The following PLXNA4 variants were observed in gnomAD, a reference collection of about 807,000 sequenced individuals.
PLXNA4 encodes the protein plexin A4.
Under a neutral mutation model 191.8 loss-of-function variants are expected in PLXNA4, and 44 were observed. The ratio of observed to expected loss-of-function variants is 0.23; its 90% confidence interval spans 0.18 to 0.29. The LOEUF (loss-of-function observed/expected upper bound fraction) is 0.29. Among genes scored for constraint, PLXNA4 ranks in the 10% least tolerant of loss-of-function variants. The pLI is 1.00. For synonymous variants in PLXNA4, 1,082 were observed against 1,009.5 expected (o/e 1.07, Z -1.36); for missense variants, 1,800 against 2,488.8 (o/e 0.72, Z 5.89).
At chr7:132,340,500 T>A (rs1802985794) in intron 3 of PLXNA4, among the ~76,000 whole-genome samples, 1 of 152,232 alleles carries the variant, frequency 6.6e-6, no homozygotes, top group African/African-American at 2.4e-5. Context: ...TTCCTGTCCC[T>A]GTCCCCACTG....
At chr7:132,544,303 C>A (rs769662817) in intron 1 of PLXNA4, among the ~76,000 whole-genome samples, 1 of 152,236 alleles carries the variant, frequency 6.6e-6, no homozygotes, top group African/African-American at 2.4e-5. Context: ...AATAGAGAAC[C>A]TACCCATGGT....
At chr7:132,572,601 C>T (rs1802030141) in intron 1 of PLXNA4, among the ~76,000 whole-genome samples, 1 of 152,218 alleles carries the variant, frequency 6.6e-6, no homozygotes, top group African/African-American at 2.4e-5. Context: ...GGAATCAGGA[C>T]CCCTGCCTGC....
intron 1 of PLXNA4, among the ~76,000 whole-genome samples, chr7:132,540,551 G>A (rs1299142910): frequency 2.1e-5 from 3 of 144,422 alleles, no homozygotes; most frequent in African/African-American, 7.6e-5. Context: ...GAGAGCAGAA[G>A]GTGTAGTGTG....
At chr7:132,161,244 C>T (rs1381842386) in intron 24 of PLXNA4, among the ~76,000 whole-genome samples, 2 of 152,250 alleles carry the variant, frequency 1.3e-5, no homozygotes, top group East Asian at 1.9e-4. Context: ...GCCACCTAAA[C>T]GTAATCCCCT....
chr7:132,338,579 T>C (rs773912935), intron 3 of PLXNA4, among the ~76,000 whole-genome samples: 26 of 152,216 alleles, frequency 1.7e-4, no homozygotes, highest in Non-Finnish European at 3.1e-4. Context: ...GTGATTAACA[T>C]TTTCACCCTT....
intron 2 of PLXNA4, among the ~76,000 whole-genome samples, chr7:132,609,738 T>C (rs1803010290): frequency 6.6e-6 from 1 of 152,250 alleles, no homozygotes; most frequent in African/African-American, 2.4e-5. Flanking sequence ...CCTCTGGCTG[T>C]CTGACTCCCA....
At chr7:132,289,009 G>A (rs1274603254) in intron 4 of PLXNA4, among the ~76,000 whole-genome samples, 1 of 152,120 alleles carries the variant, frequency 6.6e-6, no homozygotes, top group Non-Finnish European at 1.5e-5. Flanking sequence ...TCCACTTAGG[G>A]GTCCCAAGCC....
intron 30 of PLXNA4, among the ~76,000 whole-genome samples, chr7:132,137,702 G>A (rs2116527206): frequency 6.6e-6 from 1 of 152,180 alleles, no homozygotes; most frequent in African/African-American, 2.4e-5. Flanking sequence ...AGGGGAGGAT[G>A]GGTGGGGAGA....
intron 10 of PLXNA4, among the ~76,000 whole-genome samples, chr7:132,205,674 C>G (rs1797593139): frequency 6.6e-6 from 1 of 152,160 alleles, no homozygotes; most frequent in Non-Finnish European, 1.5e-5. Flanking sequence ...CTGAGCAGGG[C>G]TGGCTGTTTC....
Position 132,179,032 on chromosome 7 carries a change from G to GCACA in PLXNA4, c.3874+651_3874+654dup, listed in dbSNP as rs67794762. 1.2e-3 allele frequency among the ~76,000 whole-genome samples: 75 copies of GCACA among 61,662 alleles called. 5 individuals carry two copies. The highest frequency in any genetic ancestry group is 2.0e-3 in the Non-Finnish European group (68 of 33,576). The allele number at this position is 61,662 out of a possible 152,430, so 40.5% of individuals were successfully genotyped here. On this transcript the variant is annotated intron_variant, in intron 20 of 31. Transcript: ENST00000321063. Reference sequence around the variant, plus strand: ...CACATACACATATACAGGCGCGCGCGCACACACACACACACACACACACAC... The same window carrying GCACA: ...CACATACACATATACAGGCGCGCGCGCACACACACACACACACACACACACACAC...
chr7:132,230,589 TAA>T (rs1798492554), intron 5 of PLXNA4, among the ~76,000 whole-genome samples: 1 of 152,188 alleles, frequency 6.6e-6, no homozygotes. Flanking sequence ...AGCGTCTGCC[TAA>T]AAGACTTGGA....
chr7:132,154,543 A>G (rs895804388), intron 25 of PLXNA4, among the ~76,000 whole-genome samples: 2 of 152,180 alleles, frequency 1.3e-5, no homozygotes, highest in Non-Finnish European at 2.9e-5. Flanking sequence ...AGTGCTGTGC[A>G]CTGGTCAGTT....
chr7:132,178,283 T>C (rs1373782214), intron 20 of PLXNA4, among the ~76,000 whole-genome samples: 1 of 151,960 alleles, frequency 6.6e-6, no homozygotes, highest in Non-Finnish European at 1.5e-5. Flanking sequence ...ATTCCAGGTA[T>C]GGAGGCTGCT....
intron 3 of PLXNA4, among the ~76,000 whole-genome samples, chr7:132,450,174 A>G (rs1045896273): frequency 3.9e-5 from 6 of 152,180 alleles, no homozygotes; most frequent in Non-Finnish European, 7.3e-5. Context: ...TTACTAGGAG[A>G]GATGGGATCG....
chr7:132,551,767 T>C (rs1482980795), intron 1 of PLXNA4, among the ~76,000 whole-genome samples: 1 of 152,246 alleles, frequency 6.6e-6, no homozygotes, highest in Non-Finnish European at 1.5e-5. Flanking sequence ...CGGAAAAACC[T>C]CTGTGTCCTT....
At chr7:132,631,248 T>C (rs1257243019) in intron 2 of PLXNA4, among the ~76,000 whole-genome samples, 1 of 152,232 alleles carries the variant, frequency 6.6e-6, no homozygotes, top group Non-Finnish European at 1.5e-5. Flanking sequence ...TCAAGTCAAA[T>C]TGATGCTTTG....
chr7:132,647,360 CAT>C (rs1208697901), intron 1 of PLXNA4, among the ~76,000 whole-genome samples: 1 of 151,880 alleles, frequency 6.6e-6, no homozygotes, highest in East Asian at 1.9e-4. Flanking sequence ...CATACACTGA[CAT>C]ACACACACAC....
intron 3 of PLXNA4, among the ~76,000 whole-genome samples, chr7:132,402,729 A>C (rs1794044579): frequency 6.6e-6 from 1 of 152,236 alleles, no homozygotes. Context: ...AGGTTTAACA[A>C]GGAGGCATCC....
chr7:132,435,793 T>C (rs1795448901), intron 3 of PLXNA4, among the ~76,000 whole-genome samples: 1 of 152,194 alleles, frequency 6.6e-6, no homozygotes, highest in African/African-American at 2.4e-5. Context: ...TCCTACACAT[T>C]GGAGTACCCG....
Sources: gnomAD v4.1 joint callset for allele counts (sites outside exome capture counted in the v4.1 genomes callset) on GRCh38, gnomAD v4.1.1 for gene constraint, MANE v1.5 for transcripts, NCBI Gene and HGNC (gene_info 2026-07-23, HGNC 2026-07-21) for gene names.